Variants in CACNB4 observed in about 807,000 individuals in gnomAD.
CACNB4 encodes voltage-dependent L-type calcium channel subunit beta-4.
In CACNB4, 32 loss-of-function variants were observed where a neutral mutation model predicts 71.2. The ratio of observed to expected loss-of-function variants is 0.45; its 90% confidence interval spans 0.34 to 0.60. The LOEUF (loss-of-function observed/expected upper bound fraction) is 0.60, where lower values mean the gene tolerates loss of function less well. CACNB4 is among the 20% of genes least tolerant of loss of function. The pLI is 0.01. For synonymous variants in CACNB4, 231 were observed against 236.9 expected (o/e 0.97, Z 0.23); for missense variants, 464 against 647.9 (o/e 0.72, Z 3.08).
chr2:152,080,418 G>A (rs1687298929), intron 2 of CACNB4, among the ~76,000 whole-genome samples: 1 of 152,128 alleles, frequency 6.6e-6, no homozygotes, highest in East Asian at 1.9e-4. Context: ...ACTGCGCCTG[G>A]CCAATTTACT....
chr2:152,089,410 G>T (rs555641071), intron 2 of CACNB4, among the ~76,000 whole-genome samples: 1 of 152,238 alleles, frequency 6.6e-6, no homozygotes, highest in Admixed American at 6.5e-5. Context: ...AGCCCACAAA[G>T]GAAATAATTG....
intron 2 of CACNB4, among the ~76,000 whole-genome samples, chr2:152,069,991 C>T (rs1475735358): frequency 2.0e-5 from 3 of 151,860 alleles, no homozygotes; most frequent in Admixed American, 1.3e-4. Context: ...TACAGGCACC[C>T]GCCACTACGC....
intron 2 of CACNB4, among the ~76,000 whole-genome samples, chr2:151,991,781 A>G (rs1049905135): frequency 1.3e-5 from 2 of 152,172 alleles, no homozygotes; most frequent in Non-Finnish European, 1.5e-5. Flanking sequence ...GCTAAAAGAG[A>G]TGCTTCTAGT....
Position 152,098,253 on chromosome 2 carries a change from G to T in CACNB4, c.147+77C>A. 1 of 1,180,154 alleles carries T rather than the reference G, an allele frequency of 8.5e-7. No individual in the cohort carries two copies. Among genetic ancestry groups the T allele is most frequent in the Non-Finnish European group, 1.3e-6 (1 of 791,290 alleles). The allele number at this position is 1,180,154 out of a possible 1,614,324, so 73.1% of individuals were successfully genotyped here. On this transcript the variant is annotated intron_variant, in intron 2 of 13. Coordinates refer to ENST00000539935, the MANE Select transcript of CACNB4 (RefSeq NM_000726.5). This position sits in a 1 kb window ranked among gnomAD's most constrained non-coding sequence, Gnocchi z 5.3. ...TGACCCGCAGCTCCCGCACGTGTGG[G>T]CCACGGCCGGCTCCAGGACCCCCGC...
At chr2:151,945,760 G>A (rs555454116) in intron 2 of CACNB4, among the ~76,000 whole-genome samples, 2 of 151,832 alleles carry the variant, frequency 1.3e-5, no homozygotes, top group African/African-American at 2.4e-5. Context: ...GCAATAGTAC[G>A]CGCCTGTAGT....
intron 2 of CACNB4, among the ~76,000 whole-genome samples, chr2:152,085,734 G>A (rs1238379309): frequency 1.3e-5 from 2 of 151,628 alleles, no homozygotes; most frequent in East Asian, 1.9e-4. Flanking sequence ...CAATAATGGC[G>A]GATGTTTTTA....
At chr2:152,096,755 G>A (rs765901359) in intron 2 of CACNB4, among the ~76,000 whole-genome samples, 6 of 152,056 alleles carry the variant, frequency 3.9e-5, no homozygotes, top group Non-Finnish European at 7.3e-5. Context: ...AATCAGTTAC[G>A]GGCATAAATT....
intron 2 of CACNB4, among the ~76,000 whole-genome samples, chr2:152,060,746 C>T (rs921425275): frequency 6.6e-6 from 1 of 152,198 alleles, no homozygotes; most frequent in Non-Finnish European, 1.5e-5. Context: ...TACATCTACA[C>T]ATCAGATTAA....
chr2:151,873,369 CTG>C (rs752730561), intron 5 of CACNB4: 1 of 152,184 alleles, frequency 6.6e-6, no homozygotes, highest in Non-Finnish European at 1.5e-5. Context: ...ATCCAAATGT[CTG>C]AAATCGAAAA....
rs149392228 is a variant in CACNB4, at chr2:151,882,696, G to A, written c.267+555C>T. Among the ~76,000 whole-genome samples the A allele has an allele frequency of 2.6e-3, 401 of 152,286 alleles. 1 individual carries two copies. Among genetic ancestry groups the A allele is most frequent in the African/African-American group, 9.1e-3 (379 of 41,544 alleles). On this transcript the variant is annotated intron_variant, in intron 3 of 13. Coordinates refer to ENST00000539935, the MANE Select transcript of CACNB4 (RefSeq NM_000726.5). ...CCTTGCTGCTTCCTGTGGATGCAGC[G>A]ATTTCTATGGAGGCCTCTTCTTGTG... is the stretch of plus-strand genomic sequence containing the variant.
intron 2 of CACNB4, among the ~76,000 whole-genome samples, chr2:151,998,919 C>T (rs1055360133): frequency 3.3e-5 from 5 of 152,180 alleles, no homozygotes; most frequent in Non-Finnish European, 5.9e-5. Flanking sequence ...AAAGCTTTCC[C>T]CTGGAGCTTG....
intron 2 of CACNB4, among the ~76,000 whole-genome samples, chr2:152,060,840 T>C (rs185416291): frequency 6.6e-6 from 1 of 152,216 alleles, no homozygotes; most frequent in Admixed American, 6.5e-5. Context: ...AAACAATACA[T>C]AAATTTTTGT....
chr2:152,044,542 T>C (rs1685047160), intron 2 of CACNB4, among the ~76,000 whole-genome samples: 1 of 152,078 alleles, frequency 6.6e-6, no homozygotes, highest in African/African-American at 2.4e-5. Context: ...TAAAGGGAAA[T>C]TTTCTATATA....
intron 2 of CACNB4, among the ~76,000 whole-genome samples, chr2:152,018,728 C>G (rs985311421): frequency 6.6e-6 from 1 of 151,628 alleles, no homozygotes; most frequent in East Asian, 1.9e-4. Context: ...ACTTTGAGCC[C>G]GGGAGAGCCA....
intron 2 of CACNB4, among the ~76,000 whole-genome samples, chr2:152,090,852 C>G (rs541596175): frequency 1.3e-5 from 2 of 151,950 alleles, no homozygotes; most frequent in Non-Finnish European, 2.9e-5. Context: ...TCAAGACCAG[C>G]CTGGCCAACA....
chr2:152,010,126 G>C (rs1386657159), intron 2 of CACNB4, among the ~76,000 whole-genome samples: 1 of 152,124 alleles, frequency 6.6e-6, no homozygotes, highest in Non-Finnish European at 1.5e-5. Flanking sequence ...ATTCTAACAG[G>C]GGTGACTTCT....
At chr2:151,980,331 A>G (rs12472173) in intron 2 of CACNB4, among the ~76,000 whole-genome samples, 69,195 of 151,894 alleles carry the variant, frequency 0.46, 19,241 homozygotes, top group Non-Finnish European at 0.63. Context: ...CTCATTTTGC[A>G]AGCCTTTCCC....
intron 2 of CACNB4, chr2:151,973,444 T>C: frequency 5.3e-6 from 3 of 567,616 alleles, no homozygotes; most frequent in Non-Finnish European, 9.4e-6. Context: ...TCTTGAATGC[T>C]TTGCCATCAC....
At position 152,081,684 on chromosome 2, in the gene CACNB4, A is replaced by G. The variant is rs1579263395; in HGVS notation, c.147+16646T>C. 2.6e-5 allele frequency among the ~76,000 whole-genome samples: 4 copies of G among 152,074 alleles called. 1 individual carries two copies. Among genetic ancestry groups the G allele is most frequent in the Admixed American group, 2.6e-4 (4 of 15,282 alleles). Reference sequence around the variant, plus strand: ...ACCCTCAAAATCTCATCTAAACCTAATTACCTCCCAAAGGCCGCACCTCCA... The same window carrying G: ...ACCCTCAAAATCTCATCTAAACCTAGTTACCTCCCAAAGGCCGCACCTCCA... On this transcript the variant is annotated intron_variant, in intron 2 of 13. Coordinates refer to ENST00000539935, the MANE Select transcript of CACNB4 (RefSeq NM_000726.5).
Sources: gnomAD v4.1 joint callset for allele counts (sites outside exome capture counted in the v4.1 genomes callset) on GRCh38, gnomAD v4.1.1 for gene constraint, Gnocchi (gnomAD v3.1) non-coding constraint, MANE v1.5 for transcripts, NCBI Gene and HGNC (gene_info 2026-07-23, HGNC 2026-07-21) for gene names.